AUTS2: variants seen among roughly 807,000 people sequenced by gnomAD.
AUTS2 encodes the protein activator of transcription and developmental regulator AUTS2, also known as autism susceptibility gene 2 protein.
AUTS2 carries 17 observed loss-of-function variants against 112.4 expected under a neutral mutation model. That is an observed-to-expected ratio of 0.15 (90% CI 0.10 to 0.23). The LOEUF is 0.23. Ranked by LOEUF, AUTS2 falls within the 10% of genes least tolerant of loss-of-function variation. The pLI, the probability that AUTS2 is intolerant of heterozygous loss-of-function variation, is 1.00. For synonymous variants in AUTS2, 751 were observed against 702.7 expected (o/e 1.07, Z -1.09); for missense variants, 1,510 against 1,701.6 (o/e 0.89, Z 1.98).
chr7:69,975,538 G>A (rs1056298308), intron 2 of AUTS2, among the ~76,000 whole-genome samples: 1 of 151,532 alleles, frequency 6.6e-6, no homozygotes, highest in Admixed American at 6.6e-5. Flanking sequence ...TCTGTTTTTT[G>A]TTGTTGTTTT....
intron 1 of AUTS2, among the ~76,000 whole-genome samples, chr7:69,786,215 G>A (rs527574992): frequency 6.6e-6 from 1 of 152,196 alleles, no homozygotes; most frequent in South Asian, 2.1e-4. Flanking sequence ...CTGTAGAAAT[G>A]CAGCAATCAG....
At chr7:70,548,613 G>A (rs1020484817) in intron 5 of AUTS2, among the ~76,000 whole-genome samples, 1 of 152,132 alleles carries the variant, frequency 6.6e-6, no homozygotes. Context: ...CTGTGTTCCT[G>A]CATGTGGATA....
intron 5 of AUTS2, among the ~76,000 whole-genome samples, chr7:70,593,392 G>A (rs1465448037): frequency 6.6e-6 from 1 of 152,118 alleles, no homozygotes; most frequent in Non-Finnish European, 1.5e-5. Flanking sequence ...GTGATTTCAT[G>A]CTCTGCACAC....
chr7:69,952,563 G>A lies in AUTS2; in HGVS notation c.522+53065G>A, dbSNP rs185814447. ...TTAAATATCTAAGTTGTGTGACTTT[G>A]GGCATGAGTTTCTGCCTCTGTGGGT... On this transcript the variant is annotated intron_variant, in intron 2 of 18. Transcript: ENST00000342771. Among the ~76,000 whole-genome samples the A allele has an allele frequency of 2.6e-3, 398 of 152,228 alleles. 3 individuals are homozygous for A. Among genetic ancestry groups the A allele is most frequent in the Non-Finnish European group, 4.6e-3 (311 of 68,024 alleles).
chr7:70,023,220 A>T (rs960804383), intron 2 of AUTS2, among the ~76,000 whole-genome samples: 7 of 152,226 alleles, frequency 4.6e-5, no homozygotes, highest in African/African-American at 1.4e-4. Flanking sequence ...TAATAAATGC[A>T]GCTTAATTTC....
chr7:70,549,154 A>G (rs1800917116), intron 5 of AUTS2, among the ~76,000 whole-genome samples: 1 of 152,108 alleles, frequency 6.6e-6, no homozygotes, highest in African/African-American at 2.4e-5. Flanking sequence ...AATTTTTAAA[A>G]TTTCTTTTTC....
intron 2 of AUTS2, among the ~76,000 whole-genome samples, chr7:70,041,645 T>C (rs1177619577): frequency 2.0e-5 from 3 of 152,206 alleles, no homozygotes; most frequent in Non-Finnish European, 2.9e-5. Context: ...TGTATGTATA[T>C]GTGTTTGCCT....
At chr7:69,797,953 G>A (rs1026204591) in intron 1 of AUTS2, among the ~76,000 whole-genome samples, 6 of 152,114 alleles carry the variant, frequency 3.9e-5, no homozygotes, top group African/African-American at 1.4e-4. Flanking sequence ...ACACTCTGGG[G>A]ATCAGGTAAC....
intron 1 of AUTS2, among the ~76,000 whole-genome samples, chr7:69,848,307 C>A (rs1222813272): frequency 1.3e-5 from 2 of 152,192 alleles, no homozygotes; most frequent in South Asian, 4.1e-4. Flanking sequence ...ATATCTCAGT[C>A]ATTTGTTTTG....
Position 69,744,392 on chromosome 7 carries a change from G to C in AUTS2, c.309+144430G>C, listed in dbSNP as rs141899302. On this transcript the variant is annotated intron_variant, in intron 1 of 18. Coordinates refer to ENST00000342771, the MANE Select transcript of AUTS2 (RefSeq NM_015570.4). ...CCTTTTACTGATCAGGAGGAACTTAGAGGGTTGGAACTGACCAAGGTCTCA... is the reference window on the plus strand; with the variant it reads ...CCTTTTACTGATCAGGAGGAACTTACAGGGTTGGAACTGACCAAGGTCTCA... 4.7e-3 allele frequency among the ~76,000 whole-genome samples: 723 copies of C among 152,266 alleles called. 10 individuals are homozygous for C. The highest frequency in any genetic ancestry group is 0.02 in the Middle Eastern group (6 of 294).
chr7:69,803,232 T>G (rs1790160460), intron 1 of AUTS2, among the ~76,000 whole-genome samples: 1 of 152,214 alleles, frequency 6.6e-6, no homozygotes, highest in African/African-American at 2.4e-5. Context: ...AGACTGCTGA[T>G]GTACCGTGCA....
At chr7:70,542,763 T>C (rs973709074) in intron 5 of AUTS2, among the ~76,000 whole-genome samples, 4 of 152,226 alleles carry the variant, frequency 2.6e-5, no homozygotes, top group Non-Finnish European at 4.4e-5. Flanking sequence ...CACACAGTTA[T>C]ACTGAGTAGC....
intron 2 of AUTS2, among the ~76,000 whole-genome samples, chr7:69,972,670 C>CGT (rs1563005976): frequency 0.016 from 1,748 of 111,628 alleles, 41 homozygotes; most frequent in African/African-American, 0.059. Flanking sequence ...TGTGTGCGTG[C>CGT]ATGTGTGTGT....
At chr7:70,593,699 A>G (rs1002921396) in intron 5 of AUTS2, among the ~76,000 whole-genome samples, 2 of 152,232 alleles carry the variant, frequency 1.3e-5, no homozygotes, top group East Asian at 3.9e-4. Flanking sequence ...TCCCCACAAC[A>G]ATCAGGAAAG....
chr7:70,408,452 G>C (rs541746776), intron 4 of AUTS2, among the ~76,000 whole-genome samples: 63 of 152,172 alleles, frequency 4.1e-4, no homozygotes, highest in Non-Finnish European at 8.2e-4. Context: ...AAAGGTCAAA[G>C]AAGTAAGGAA....
chr7:70,607,120 A>C (rs1803823720), intron 5 of AUTS2, among the ~76,000 whole-genome samples: 1 of 152,104 alleles, frequency 6.6e-6, no homozygotes, highest in African/African-American at 2.4e-5. Flanking sequence ...CACTTGGCCT[A>C]CTTCTGAAAG....
intron 2 of AUTS2, among the ~76,000 whole-genome samples, chr7:70,023,557 G>A (rs1211700406): frequency 6.6e-6 from 1 of 152,140 alleles, no homozygotes; most frequent in African/African-American, 2.4e-5. Context: ...TGTAAAGTGA[G>A]GATAATGAGT....
At chr7:69,623,029 A>G (rs1021329500) in intron 1 of AUTS2, among the ~76,000 whole-genome samples, 1 of 152,122 alleles carries the variant, frequency 6.6e-6, no homozygotes, top group African/African-American at 2.4e-5. Context: ...CATGTTGGGT[A>G]TGGAGAATTT....
intron 4 of AUTS2, among the ~76,000 whole-genome samples, chr7:70,305,952 T>A: frequency 6.7e-6 from 1 of 148,926 alleles, no homozygotes; most frequent in Non-Finnish European, 1.5e-5. Context: ...GGAAAGAAAA[T>A]AAAATTATGC....
Sources: allele counts gnomAD v4.1 joint callset (sites outside exome capture counted in the v4.1 genomes callset), GRCh38; gene constraint gnomAD v4.1.1; transcripts MANE v1.5; gene names NCBI Gene and HGNC (gene_info 2026-07-23, HGNC 2026-07-21).